FGGY: variants seen among roughly 807,000 people sequenced by gnomAD.
FGGY encodes FGGY carbohydrate kinase domain-containing protein.
FGGY carries 72 observed loss-of-function variants against 71.3 expected under a neutral mutation model. The observed-to-expected ratio is 1.01, with a 90% confidence interval of 0.84 to 1.23. FGGY has a LOEUF of 1.23. FGGY is among the 50% of genes most tolerant of loss of function. The pLI is 0.00. For synonymous variants in FGGY, 251 were observed against 250.3 expected, an observed-to-expected ratio of 1.00 and a Z score of -0.02; for missense variants, 668 against 682.3, an observed-to-expected ratio of 0.98 and a Z score of 0.23.
chr1:59,420,905 T>G lies in FGGY; in HGVS notation c.555-36056T>G, dbSNP rs75248369. On this transcript the variant is annotated intron_variant, in intron 5 of 15. Transcript: ENST00000303721. ...AGAAGCTTTGGACATAAGTATTTTT[T>G]GGGGGTATTTGTGCCAACTGCTGTT... Among the ~76,000 whole-genome samples the G allele has an allele frequency of 5.0e-4, 75 of 149,294 alleles. No homozygotes were observed. The East Asian group carries it at 9.7e-3, about 19-fold the overall frequency.
At chr1:59,368,371 T>A (rs980379642) in intron 4 of FGGY, among the ~76,000 whole-genome samples, 2 of 152,224 alleles carry the variant, frequency 1.3e-5, no homozygotes, top group Non-Finnish European at 2.9e-5. Flanking sequence ...ACACCTCTGA[T>A]TGGACTGGGA....
chr1:59,314,027 C>T (rs1315331350), intron 1 of FGGY, among the ~76,000 whole-genome samples: 2 of 151,648 alleles, frequency 1.3e-5, no homozygotes, highest in Admixed American at 6.6e-5. Flanking sequence ...AGTGCGGTAG[C>T]GCAATCTCGC....
rs112933599 is a variant in FGGY at position 59,704,260 on chromosome 1, G to A, written c.1512+30127G>A. Among the ~76,000 whole-genome samples the A allele has an allele frequency of 7.0e-4, 106 of 152,212 alleles. 1 individual carries two copies. The highest frequency in any genetic ancestry group is 2.5e-3 in the African/African-American group (103 of 41,556). On this transcript the variant is annotated intron_variant, in intron 14 of 15. Coordinates refer to ENST00000303721, the MANE Select transcript of FGGY (RefSeq NM_018291.5). ...AGGATTTCTCAATCCTGGGAGAACAGCAGATAACCCCGAGCACAAAGCAAG... is the reference window on the plus strand; with the variant it reads ...AGGATTTCTCAATCCTGGGAGAACAACAGATAACCCCGAGCACAAAGCAAG...
At chr1:59,354,500 C>G (rs75599557) in intron 4 of FGGY, among the ~76,000 whole-genome samples, 10 of 152,186 alleles carry the variant, frequency 6.6e-5, no homozygotes, top group Admixed American at 6.5e-4. Flanking sequence ...ATCCAGAGTA[C>G]GGGCTTATCA....
At chr1:59,390,900 C>A (rs1482611720) in intron 5 of FGGY, among the ~76,000 whole-genome samples, 2 of 152,192 alleles carry the variant, frequency 1.3e-5, no homozygotes, top group African/African-American at 4.8e-5. Flanking sequence ...TACATTCATT[C>A]ATTCACTTAT....
At chr1:59,325,107 A>G (rs578190357) in intron 2 of FGGY, among the ~76,000 whole-genome samples, 1 of 152,146 alleles carries the variant, frequency 6.6e-6, no homozygotes, top group Non-Finnish European at 1.5e-5. Context: ...TAATCCCAGC[A>G]CTTTGGGAGG....
At chr1:59,732,870 G>A (rs182679748) in intron 14 of FGGY, among the ~76,000 whole-genome samples, 3 of 152,150 alleles carry the variant, frequency 2.0e-5, no homozygotes, top group East Asian at 1.9e-4. Context: ...TTCCACCATG[G>A]AATTTAGACA....
chr1:59,382,132 G>A (rs1351268075), intron 5 of FGGY, among the ~76,000 whole-genome samples: 1 of 152,166 alleles, frequency 6.6e-6, no homozygotes, highest in Non-Finnish European at 1.5e-5. Flanking sequence ...CTAGTAATTA[G>A]GGAGGCAGGT....
In FGGY at chr1:59,670,094, G is replaced by A. The variant is rs183269193; in HGVS notation, c.1417+2691G>A. Among the ~76,000 whole-genome samples the A allele has an allele frequency of 1.3e-3, 200 of 152,320 alleles. 1 individual carries two copies. The highest frequency in any genetic ancestry group is 2.5e-3 in the Non-Finnish European group (168 of 68,024). On this transcript the variant is annotated intron_variant, in intron 13 of 15. Coordinates refer to ENST00000303721, the MANE Select transcript of FGGY (RefSeq NM_018291.5). The stretch of plus-strand genomic sequence containing the variant: ...ACAAAGAGACCTTTTATTTAGCCTG[G>A]AATTCCTCTGCCTTTGGAAGCCTGT...
In FGGY at chr1:59,674,027, T is replaced by C. The variant is rs547128008; in HGVS notation, c.1418-12T>C. 6.2e-7 allele frequency: 1 copy of C among 1,612,002 alleles called. No homozygotes were observed. The highest frequency in any genetic ancestry group is 1.1e-5 in the South Asian group (1 of 90,544). ...CTGCTCCCTAACCAAGGTGTGGCCT[T>C]GTCCTGCGCAGGCATGCCTGTGGTC... is the stretch of plus-strand genomic sequence containing the variant. On this transcript the variant is annotated splice_polypyrimidine_tract_variant and intron_variant, in intron 13 of 15. Transcript: ENST00000303721.
intron 8 of FGGY, among the ~76,000 whole-genome samples, chr1:59,592,499 T>G (rs568894518): frequency 2.6e-4 from 40 of 152,210 alleles, no homozygotes; most frequent in Admixed American, 7.9e-4. Context: ...TGTTTATTGC[T>G]GCACTATTCA....
At chr1:59,660,138 G>A in intron 11 of FGGY, 81 bp from the exon 12 acceptor site, 2 of 1,269,926 alleles carry the variant, frequency 1.6e-6, no homozygotes, top group Non-Finnish European at 2.3e-6. Context: ...AAACACATCT[G>A]AACGTATTTC....
chr1:59,620,135 T>A (rs567108714), intron 9 of FGGY, among the ~76,000 whole-genome samples: 88 of 152,078 alleles, frequency 5.8e-4, no homozygotes, highest in Non-Finnish European at 6.5e-4. Context: ...TAGTAACTGA[T>A]CCCCAAAGTT....
chr1:59,708,229 C>T (rs1355282485), intron 14 of FGGY, among the ~76,000 whole-genome samples: 3 of 152,130 alleles, frequency 2.0e-5, no homozygotes, highest in Non-Finnish European at 4.4e-5. Flanking sequence ...TGCTTTCTAC[C>T]TTTCCCATCT....
Position 59,762,567 on chromosome 1 carries a change from A to G in FGGY, c.1639A>G (p.Ile547Val). 1 of 1,613,840 alleles carries G rather than the reference A, an allele frequency of 6.2e-7. No homozygotes were observed. Among genetic ancestry groups the G allele is most frequent in the African/African-American group, 1.3e-5 (1 of 75,060 alleles). The change falls in exon 16 of 16, where the codon ATC (isoleucine) becomes GTC (valine). Residue 547 changes from isoleucine to valine, a missense_variant. Physicochemically the swap from Ile to Val is conservative, Grantham distance 29. Around this residue, in one of 2 missense-constraint regions of FGGY, gnomAD observed 661 missense variants for 661.6 expected, o/e 1.00. Transcript: ENST00000303721. The part of the protein sequence containing the change: ...LVEHQKEYLA[I>V]MNDD ...TGAACACCAGAAGGAGTATTTGGCG[A>G]TCATGAATGATGACTGAACAGGGCT...
At chr1:59,721,547 A>T (rs191092656) in intron 14 of FGGY, among the ~76,000 whole-genome samples, 199 of 152,156 alleles carry the variant, frequency 1.3e-3, no homozygotes, top group African/African-American at 4.7e-3. Context: ...CATGTTGGTC[A>T]GGCTGGTCTC....
intron 5 of FGGY, among the ~76,000 whole-genome samples, chr1:59,382,069 G>A (rs1040680708): frequency 6.6e-6 from 1 of 152,092 alleles, no homozygotes; most frequent in Non-Finnish European, 1.5e-5. Flanking sequence ...TTAGAATCTG[G>A]GTTGAACAAA....
intron 14 of FGGY, among the ~76,000 whole-genome samples, chr1:59,678,642 C>T (rs2097460697): frequency 6.6e-6 from 1 of 152,180 alleles, no homozygotes; most frequent in Admixed American, 6.5e-5. Context: ...TTCAGGCCCC[C>T]TGCAGATGTC....
chr1:59,521,307 G>C (rs187186231), intron 7 of FGGY, among the ~76,000 whole-genome samples: 9 of 152,234 alleles, frequency 5.9e-5, no homozygotes, highest in South Asian at 2.1e-4. Context: ...GAGCATACGT[G>C]GGGGGAAGGA....
Sources: allele counts gnomAD v4.1 joint callset (sites outside exome capture counted in the v4.1 genomes callset), GRCh38; gene constraint gnomAD v4.1.1; regional missense constraint gnomAD v4.1.1; transcripts MANE v1.5; gene names NCBI Gene and HGNC (gene_info 2026-07-23, HGNC 2026-07-21).